HSPG2: variants seen among roughly 807,000 people sequenced by gnomAD.
HSPG2 encodes the protein heparan sulfate proteoglycan 2.
A neutral mutation model predicts 526.6 loss-of-function variants in HSPG2; 278 were observed. That is an observed-to-expected ratio of 0.53 (90% CI 0.48 to 0.58). HSPG2 has a LOEUF of 0.58. Ranked by LOEUF, HSPG2 falls within the 20% of genes least tolerant of loss-of-function variation. The pLI, the probability that HSPG2 is intolerant of heterozygous loss-of-function variation, is 0.00. For synonymous variants in HSPG2, 2,465 were observed against 2,555.4 expected (o/e 0.96, Z 1.07); for missense variants, 5,354 against 6,099.5 (o/e 0.88, Z 4.07).
At position 21,831,722 on chromosome 1, in the gene HSPG2, G is replaced by C; in HGVS notation, c.11282C>G (p.Thr3761Ser). 6.2e-7 allele frequency: 1 copy of C among 1,606,686 alleles called. No homozygotes were observed. ...GCCCTGGGTGAGGCTGCGCAGCAGG[G>C]TCACGGTGTGGAAATGGCCCAGGGC... ...PLALGHFHTV[T>S]LLRSLTQGSL... The change falls in exon 82 of 97, where the codon ACC becomes AGC. Residue 3761 changes from threonine to serine, a missense_variant. By Grantham distance (58) the Thr-to-Ser change is moderately conservative (BLOSUM62 1). Coordinates refer to ENST00000374695, the MANE Select transcript of HSPG2 (RefSeq NM_005529.7).
intron 1 of HSPG2, among the ~76,000 whole-genome samples, chr1:21,928,886 G>C (rs907500913): frequency 3.3e-5 from 5 of 152,072 alleles, no homozygotes; most frequent in African/African-American, 7.2e-5. Context: ...GAGTAGCTGG[G>C]ATTACAGGCA....
intron 33 of HSPG2, among the ~76,000 whole-genome samples, chr1:21,871,258 GTTTT>G (rs5772965): frequency 8.7e-6 from 1 of 114,702 alleles, no homozygotes. Flanking sequence ...CAGAGTATTT[GTTTT>G]TTTTTTTTTT....
chr1:21,900,590 G>A (rs925782915), intron 1 of HSPG2, among the ~76,000 whole-genome samples: 10 of 152,288 alleles, frequency 6.6e-5, no homozygotes, highest in Middle Eastern at 3.4e-3. Context: ...AAGAACGGAG[G>A]AGAAAACTAC....
At chr1:21,846,957 G>A (rs983863059) in intron 62 of HSPG2, among the ~76,000 whole-genome samples, 2 of 151,502 alleles carry the variant, frequency 1.3e-5, no homozygotes, top group Admixed American at 1.3e-4. Context: ...TTGAGATCGC[G>A]CCACTGCACT....
At chr1:21,925,420 G>A (rs771857140) in intron 1 of HSPG2, among the ~76,000 whole-genome samples, 4 of 152,158 alleles carry the variant, frequency 2.6e-5, no homozygotes, top group Admixed American at 2.6e-4. Context: ...GTATGAGGGG[G>A]ACACAGGGCT....
chr1:21,883,716 A>C (rs1239598460), intron 13 of HSPG2, among the ~76,000 whole-genome samples: 2 of 152,202 alleles, frequency 1.3e-5, no homozygotes, highest in East Asian at 1.9e-4. Flanking sequence ...AACTCTCTAC[A>C]TGCATTTAAT....
chr1:21,876,367 C>G lies in HSPG2; in HGVS notation c.2865G>C (p.Leu955=). The G allele has an allele frequency of 6.2e-7, 1 of 1,612,860 alleles. No homozygotes were observed. Among genetic ancestry groups the G allele is most frequent in the Non-Finnish European group, 8.5e-7 (1 of 1,179,500 alleles). The part of the protein sequence containing the change: ...GASEEPGHFS[L]TNAASTHTTN... ...TGGTGTGGGTGCTTGCGGCGTTGGT[C>G]AGGCTGAAGTGACCAGGCTCCTCAG... Residue 955 remains leucine (L), a synonymous_variant, in exon 23 of 97, where the codon CTG becomes CTC. Coordinates refer to ENST00000374695, the MANE Select transcript of HSPG2 (RefSeq NM_005529.7).
chr1:21,885,201 G>A, intron 10 of HSPG2, 44 bp from the exon 11 acceptor site: 3 of 1,600,194 alleles, frequency 1.9e-6, no homozygotes, highest in Non-Finnish European at 2.6e-6. Context: ...GGCAAAGGAA[G>A]GAGGAGCGGA....
chr1:21,874,595 C>G (rs367892673), intron 27 of HSPG2, 21 bp downstream of exon 27: 35 of 1,613,538 alleles, frequency 2.2e-5, no homozygotes, highest in Non-Finnish European at 2.9e-5. Flanking sequence ...CTGGGGTGGG[C>G]GGAAGGAGGG....
chr1:21,915,028 G>A (rs1226387876), intron 1 of HSPG2, among the ~76,000 whole-genome samples: 4 of 151,936 alleles, frequency 2.6e-5, no homozygotes, highest in Admixed American at 6.6e-5. Context: ...GCCCAGGACC[G>A]GCTCCTTATG....
chr1:21,906,991 C>T (rs1490335647), intron 1 of HSPG2, among the ~76,000 whole-genome samples: 2 of 152,148 alleles, frequency 1.3e-5, no homozygotes, highest in African/African-American at 2.4e-5. Context: ...AGCGGGCTGG[C>T]GGCCGGCTAG....
intron 74 of HSPG2, among the ~76,000 whole-genome samples, chr1:21,837,426 G>T (rs978582178): frequency 2.0e-5 from 3 of 151,680 alleles, no homozygotes; most frequent in African/African-American, 7.3e-5. Context: ...GACTACAGGT[G>T]CGCCACCGTG....
At chr1:21,866,853 T>C (rs537141967) in intron 33 of HSPG2, among the ~76,000 whole-genome samples, 2 of 152,304 alleles carry the variant, frequency 1.3e-5, no homozygotes, top group Admixed American at 6.5e-5. Context: ...CACCTGCTGA[T>C]TACACACACG....
chr1:21,911,129 T>C (rs1366044695), intron 1 of HSPG2, among the ~76,000 whole-genome samples: 2 of 152,176 alleles, frequency 1.3e-5, no homozygotes, highest in Admixed American at 6.5e-5. Context: ...TTCTCTTCCA[T>C]AAAAACAAGG....
At chr1:21,840,038 T>C (rs2098042322) in intron 71 of HSPG2, 21 bp from the exon 72 acceptor site, 2 of 1,612,412 alleles carry the variant, frequency 1.2e-6, no homozygotes, top group South Asian at 1.1e-5. Flanking sequence ...GCAAGGAGGC[T>C]GGTTATGTGG....
chr1:21,835,570 C>T lies in HSPG2; in HGVS notation c.10423G>A (p.Ala3475Thr). The T allele has an allele frequency of 6.2e-7, 1 of 1,614,090 alleles. No homozygotes were observed. The highest frequency in any genetic ancestry group is 8.5e-7 in the Non-Finnish European group (1 of 1,179,910). The change falls in exon 76 of 97, where the codon GCC becomes ACC. Residue 3475 changes from alanine (A) to threonine (T), a missense_variant. Coordinates refer to ENST00000374695, the MANE Select transcript of HSPG2 (RefSeq NM_005529.7). The stretch of plus-strand genomic sequence containing the variant: ...ATAACCAGCTGGGCACTGGCCTGGG[C>T]CTTCCCCCAAGGTCCATGGGCCTGG... ...ICQAHGPWGK[A>T]QASAQLVIQA...
chr1:21,859,915 C>T lies in HSPG2; in HGVS notation c.5102G>A (p.Ser1701Asn). ...ATAGAAGTAGTGGGGTGGGCTCCCA[C>T]TGACCTGACACCGCAGGGAGTGGGA... ...GGSHSLRCQV[S>N]GSPPHYFYWS... is the part of the protein sequence containing the mutation. Residue 1701 changes from serine to asparagine, a missense_variant, in exon 41 of 97, where the codon AGT (serine) becomes AAT (asparagine). Physicochemically the swap from Ser to Asn is conservative, Grantham distance 46 (BLOSUM62 1). Transcript: ENST00000374695. This position sits in a 1 kb window ranked among gnomAD's most constrained non-coding sequence, Gnocchi z 5.3. 1.9e-6 allele frequency: 3 copies of T among 1,610,466 alleles called. No homozygotes were observed. The highest frequency in any genetic ancestry group is 2.5e-6 in the Non-Finnish European group (3 of 1,179,346).
intron 18 of HSPG2, 30 bp from the exon 19 acceptor site, chr1:21,878,693 G>A: frequency 6.3e-7 from 1 of 1,591,434 alleles, no homozygotes; most frequent in Non-Finnish European, 8.6e-7. Flanking sequence ...AGGGCATGGG[G>A]CAGGGCTGGG....
In HSPG2 at chr1:21,895,060, C is replaced by A. The variant is rs1029495950; in HGVS notation, c.244+862G>T. ...ATATGTCAGCTAAAGGGAGGTGACT[C>A]CACCCCTGAAGTAGGCCCAGGCCAG... On this transcript the variant is annotated intron_variant, in intron 3 of 96. Transcript: ENST00000374695. The surrounding 1 kb of genome is among the most constrained non-coding windows in gnomAD (Gnocchi z 4.1). Among the ~76,000 whole-genome samples, 1 of 152,236 alleles carries A rather than the reference C, an allele frequency of 6.6e-6. No homozygotes were observed. The highest frequency in any genetic ancestry group is 2.4e-5 in the African/African-American group (1 of 41,468).
Sources: allele counts gnomAD v4.1 joint callset (sites outside exome capture counted in the v4.1 genomes callset), GRCh38; gene constraint gnomAD v4.1.1; non-coding constraint Gnocchi (gnomAD v3.1); transcripts MANE v1.5; gene names NCBI Gene and HGNC (gene_info 2026-07-23, HGNC 2026-07-21).